Variants in NDUFA5 observed in about 807,000 individuals in gnomAD.
NDUFA5 encodes the protein NADH dehydrogenase [ubiquinone] 1 alpha subcomplex subunit 5.
A neutral mutation model predicts 19.8 loss-of-function variants in NDUFA5; 11 were observed. The observed-to-expected ratio is 0.56, with a 90% CI of 0.35 to 0.92. NDUFA5 has a LOEUF of 0.92. NDUFA5 is among the 40% of genes least tolerant of loss of function. The pLI is 0.01. For synonymous variants in NDUFA5, 47 were observed against 46.8 expected, an observed-to-expected ratio of 1.00 and a Z score of -0.01; for missense variants, 109 against 134.2, an observed-to-expected ratio of 0.81 and a Z score of 0.93.
the NDUFA5 span, among the ~76,000 whole-genome samples, chr7:123,594,510 T>A: frequency 6.6e-6 from 1 of 152,194 alleles, no homozygotes; most frequent in Admixed American, 6.5e-5. Flanking sequence ...CCTTTCTGTT[T>A]GTTAGTTTTC....
upstream of NDUFA5, among the ~76,000 whole-genome samples, chr7:123,560,208 A>T (rs908863634): frequency 1.3e-5 from 2 of 152,208 alleles, no homozygotes; most frequent in African/African-American, 4.8e-5. Context: ...ATGCTTAGAA[A>T]AACCCCACAA....
intron 2 of NDUFA5, among the ~76,000 whole-genome samples, chr7:123,554,441 T>C (rs940190140): frequency 1.4e-5 from 2 of 147,918 alleles, no homozygotes; most frequent in African/African-American, 2.5e-5. Flanking sequence ...CAGTTACTAA[T>C]AGTCAACCTC....
chr7:123,596,364 C>T, the NDUFA5 span: 10 of 152,016 alleles, frequency 6.6e-5, no homozygotes, highest in African/African-American at 2.2e-4. Flanking sequence ...GTGATCCCAA[C>T]ACTTTGAAGG....
upstream of NDUFA5, among the ~76,000 whole-genome samples, chr7:123,560,224 T>C (rs944880278): frequency 6.6e-6 from 1 of 152,180 alleles, no homozygotes; most frequent in Non-Finnish European, 1.5e-5. Context: ...CACAACATCA[T>C]ACTTAAGAGT....
chr7:123,565,070 GTGT>G, the NDUFA5 span, among the ~76,000 whole-genome samples: 3 of 152,118 alleles, frequency 2.0e-5, no homozygotes, highest in African/African-American at 4.8e-5. Context: ...AGGAAAGCTG[GTGT>G]TGTGATTCAG....
At chr7:123,593,279 T>A in the NDUFA5 span, among the ~76,000 whole-genome samples, 1 of 152,160 alleles carries the variant, frequency 6.6e-6, no homozygotes, top group African/African-American at 2.4e-5. Flanking sequence ...ACATTTAAGG[T>A]TAATATTGTT....
chr7:123,588,744 A>C, the NDUFA5 span, among the ~76,000 whole-genome samples: 1 of 151,236 alleles, frequency 6.6e-6, no homozygotes, highest in Non-Finnish European at 1.5e-5. Context: ...CTTTTGCTAC[A>C]TCTTGCGAGT....
chr7:123,567,633 G>A, the NDUFA5 span, among the ~76,000 whole-genome samples: 1 of 152,080 alleles, frequency 6.6e-6, no homozygotes, highest in African/African-American at 2.4e-5. Flanking sequence ...ACTGAGAGAG[G>A]CATGAGGAAA....
the NDUFA5 span, among the ~76,000 whole-genome samples, chr7:123,573,288 C>CTTTTTTTTTTT: frequency 3.4e-5 from 4 of 117,894 alleles, no homozygotes; most frequent in Non-Finnish European, 3.5e-5. Context: ...TCTGGATTTG[C>CTTTTTTTTTTT]TTTTTTTTTT....
the NDUFA5 span, among the ~76,000 whole-genome samples, chr7:123,588,806 C>A: frequency 6.6e-6 from 1 of 151,248 alleles, no homozygotes; most frequent in Non-Finnish European, 1.5e-5. Context: ...TTTAAATTTC[C>A]CTTTTGATTT....
chr7:123,547,157 A>G (rs1193267753), intron 3 of NDUFA5, among the ~76,000 whole-genome samples: 1 of 152,112 alleles, frequency 6.6e-6, no homozygotes, highest in Non-Finnish European at 1.5e-5. Context: ...CCCTGACAAC[A>G]CCATCTTGAT....
the NDUFA5 span, among the ~76,000 whole-genome samples, chr7:123,575,936 T>C: frequency 6.6e-6 from 1 of 151,474 alleles, no homozygotes; most frequent in Non-Finnish European, 1.5e-5. Context: ...AAACCTTCTT[T>C]TATTTCAGGA....
At chr7:123,567,530 G>A in the NDUFA5 span, among the ~76,000 whole-genome samples, 4 of 152,174 alleles carry the variant, frequency 2.6e-5, no homozygotes, top group African/African-American at 9.7e-5. Context: ...AGTGATGCAA[G>A]CTCTTTTGTG....
chr7:123,548,001 TCA>T (rs1281699597), intron 3 of NDUFA5, among the ~76,000 whole-genome samples: 1 of 152,020 alleles, frequency 6.6e-6, no homozygotes, highest in Admixed American at 6.6e-5. Context: ...ATATGCCAAG[TCA>T]CTCCACAAAT....
At chr7:123,566,693 T>G in the NDUFA5 span, among the ~76,000 whole-genome samples, 2 of 152,220 alleles carry the variant, frequency 1.3e-5, no homozygotes. Context: ...TATATACATT[T>G]TCATAAATAT....
the NDUFA5 span, among the ~76,000 whole-genome samples, chr7:123,597,638 C>G: frequency 6.6e-6 from 1 of 152,016 alleles, no homozygotes; most frequent in Non-Finnish European, 1.5e-5. Context: ...TCGAGACCAG[C>G]TTGGCCAACA....
chr7:123,563,418 G>T, the NDUFA5 span, among the ~76,000 whole-genome samples: 2 of 152,134 alleles, frequency 1.3e-5, no homozygotes, highest in South Asian at 4.1e-4. Context: ...ACAGCCAGTC[G>T]GTGGAGCAAC....
chr7:123,597,917 C>CGTGTGTGTGT, the NDUFA5 span, among the ~76,000 whole-genome samples: 292 of 133,068 alleles, frequency 2.2e-3, 1 homozygote, highest in Middle Eastern at 4.0e-3. Flanking sequence ...TTTCAAACTT[C>CGTGTGTGTGT]GTGTGTGTGT....
At chr7:123,585,948 T>C in the NDUFA5 span, among the ~76,000 whole-genome samples, 4 of 151,930 alleles carry the variant, frequency 2.6e-5, no homozygotes, top group South Asian at 4.1e-4. Context: ...ATGATAAATA[T>C]ATATTACATT....
Sources: allele counts gnomAD v4.1 joint callset (sites outside exome capture counted in the v4.1 genomes callset), GRCh38; gene constraint gnomAD v4.1.1; transcripts MANE v1.5; gene names NCBI Gene and HGNC (gene_info 2026-07-23, HGNC 2026-07-21).